NEFH: variants seen among roughly 807,000 people sequenced by gnomAD.
NEFH encodes neurofilament heavy polypeptide.
Under a neutral mutation model 56.6 loss-of-function variants are expected in NEFH, and 58 were observed. The ratio of observed to expected loss-of-function variants is 1.03; its 90% CI spans 0.83 to 1.28. The LOEUF (loss-of-function observed/expected upper bound fraction) is 1.28. NEFH is among the 50% of genes most tolerant of loss of function. The pLI is 0.00. For missense variants in NEFH, 1,221 were observed against 1,307.6 expected (o/e 0.93, Z 1.02); for synonymous variants, 542 against 545.8 (o/e 0.99, Z 0.10).
At chr22:29,485,655 C>T (rs961243566) in intron 2 of NEFH, 68 bp from the exon 3 acceptor site, 57 of 1,571,662 alleles carry the variant, frequency 3.6e-5, no homozygotes, top group Admixed American at 5.6e-5. Context: ...CACAGCCCGC[C>T]GCAGCTTCTC....
At chr22:29,483,595 C>G in intron 2 of NEFH, 21 bp downstream of exon 2, 1 of 1,611,718 alleles carries the variant, frequency 6.2e-7, no homozygotes, top group African/African-American at 1.3e-5. Context: ...GCAAGGCAGA[C>G]AGCCAGACTG....
intron 3 of NEFH, among the ~76,000 whole-genome samples, chr22:29,487,029 A>G (rs573136532): frequency 2.0e-4 from 31 of 152,194 alleles, no homozygotes; most frequent in Non-Finnish European, 3.8e-4. Context: ...GATGATAATA[A>G]GGGCAACCAT....
rs142984913 is a variant in NEFH, at chr22:29,489,947, A to C, written c.2307A>C (p.Pro769=). The change falls in exon 4 of 4, where the codon CCA becomes CCC. Residue 769 remains proline (P), a synonymous_variant. Coordinates refer to ENST00000310624, the MANE Select transcript of NEFH (RefSeq NM_021076.4). ...LDVKSPEAKT[P]AKEEARSPAD... ...TGAAGTCTCCAGAAGCCAAGACTCC[A>C]GCGAAGGAGGAAGCAAGGTCCCCTG... 134 of 1,613,638 alleles carry C rather than the reference A, an allele frequency of 8.3e-5. No individual in the cohort carries two copies. The African/African-American group carries it at 1.6e-3, about 19-fold the overall frequency.
intron 3 of NEFH, among the ~76,000 whole-genome samples, chr22:29,487,669 C>T (rs1281070945): frequency 2.0e-5 from 3 of 152,038 alleles, no homozygotes; most frequent in Non-Finnish European, 2.9e-5. Context: ...AAAAGACAGA[C>T]GCTCAGCCCC....
Position 29,482,339 on chromosome 22 carries a change from G to A in NEFH, c.884-1036G>A, listed in dbSNP as rs776842833. ...GCTTCCTTCCTCCCCGCCAAGACTT[G>A]TGCCCTGAGTGCCACTATCTGGGGA... On this transcript the variant is annotated intron_variant, in intron 1 of 3. Transcript: ENST00000310624. Among the ~76,000 whole-genome samples the A allele has an allele frequency of 6.5e-4, 99 of 152,296 alleles. 1 individual carries two copies. Among genetic ancestry groups the A allele is most frequent in the Non-Finnish European group, 3.1e-4 (21 of 68,026 alleles).
At chr22:29,482,565 C>T (rs1004962011) in intron 1 of NEFH, among the ~76,000 whole-genome samples, 2 of 152,170 alleles carry the variant, frequency 1.3e-5, no homozygotes, top group African/African-American at 4.8e-5. Flanking sequence ...TTGGACTGTG[C>T]GCAGAAACCT....
At chr22:29,484,217 C>G (rs377708394) in intron 2 of NEFH, among the ~76,000 whole-genome samples, 1 of 152,258 alleles carries the variant, frequency 6.6e-6, no homozygotes, top group East Asian at 1.9e-4. Context: ...CTTCAACATT[C>G]GAATCTTTCT....
intron 3 of NEFH, among the ~76,000 whole-genome samples, chr22:29,487,237 A>C (rs531609643): frequency 6.6e-6 from 1 of 152,202 alleles, no homozygotes; most frequent in East Asian, 1.9e-4. Flanking sequence ...CTGACTGGTG[A>C]CCTGTGGCTT....
intron 1 of NEFH, 135 bp from the exon 2 acceptor site, chr22:29,483,240 C>T (rs562037652): frequency 1.5e-4 from 122 of 800,744 alleles, no homozygotes; most frequent in Non-Finnish European, 2.4e-4. Context: ...GAGTGCACCA[C>T]TGCCCTCCAG....
chr22:29,485,870 C>T (rs1240363898), intron 3 of NEFH, 23 bp downstream of exon 3: 5 of 1,613,920 alleles, frequency 3.1e-6, no homozygotes, highest in Admixed American at 3.3e-5. Context: ...GGGGCTGTCA[C>T]ATGGTGAAGA....
chr22:29,487,580 T>G (rs567639714), intron 3 of NEFH, among the ~76,000 whole-genome samples: 1 of 152,292 alleles, frequency 6.6e-6, no homozygotes, highest in South Asian at 2.1e-4. Flanking sequence ...TTCAGTGAGC[T>G]ATGATCGTGC....
At chr22:29,488,261 G>C (rs1324647576) in intron 3 of NEFH, among the ~76,000 whole-genome samples, 2 of 152,142 alleles carry the variant, frequency 1.3e-5, no homozygotes. Context: ...CTACTCAGTA[G>C]GCTGAGACAG....
At chr22:29,484,663 T>TA (rs773168247) in intron 2 of NEFH, among the ~76,000 whole-genome samples, 4 of 151,782 alleles carry the variant, frequency 2.6e-5, no homozygotes, top group Non-Finnish European at 5.9e-5. Context: ...CAAGAAAATT[T>TA]AAAAAAATTA....
Position 29,484,205 on chromosome 22 carries a change from G to A in NEFH, c.1083+631G>A, listed in dbSNP as rs117259769. Among the ~76,000 whole-genome samples the A allele has an allele frequency of 4.5e-3, 688 of 152,224 alleles. 8 individuals are homozygous for A. The highest frequency in any genetic ancestry group is 0.024 in the Middle Eastern group (7 of 294). ...TGAACTTGTGAATGAGCTCGGCAAG[G>A]TCTTCAACATTCGAATCTTTCTAGA... On this transcript the variant is annotated intron_variant, in intron 2 of 3. Transcript: ENST00000310624.
At chr22:29,481,862 C>A (rs554086498) in intron 1 of NEFH, among the ~76,000 whole-genome samples, 1 of 152,196 alleles carries the variant, frequency 6.6e-6, no homozygotes, top group Non-Finnish European at 1.5e-5. Context: ...AGCTAGATTG[C>A]GCTGCCCTGA....
rs2063077725 is a variant in NEFH at position 29,490,867 on chromosome 22, G to A, written c.*164G>A. ...AAACAGGAATTTCTGTTAGCAATAT[G>A]TTAGCAAGAGAGGGCACTCCCAGGC... is the stretch of plus-strand genomic sequence containing the variant. On this transcript the variant is annotated 3_prime_UTR_variant, in exon 4 of 4. Coordinates refer to ENST00000310624, the MANE Select transcript of NEFH (RefSeq NM_021076.4). 1 of 1,412,210 alleles carries A rather than the reference G, an allele frequency of 7.1e-7. No homozygotes were observed. 87.5% of individuals were successfully genotyped at this position (1,412,210 alleles called of 1,614,324 possible).
At chr22:29,488,773 A>C in intron 3 of NEFH, 76 bp from the exon 4 acceptor site, 1 of 1,363,644 alleles carries the variant, frequency 7.3e-7, no homozygotes, top group Non-Finnish European at 1.1e-6. Flanking sequence ...AGTGACCTTC[A>C]GGATAGTCTA....
chr22:29,481,174 G>GGCCCCC, intron 1 of NEFH, 29 bp downstream of exon 1: 1 of 1,056,342 alleles, frequency 9.5e-7, no homozygotes, highest in Non-Finnish European at 1.4e-6. Context: ...GGGGGGAGGG[G>GGCCCCC]CGCCCCTGCT....
intron 1 of NEFH, 138 bp downstream of exon 1, chr22:29,481,283 C>T: frequency 1.2e-6 from 1 of 839,120 alleles, no homozygotes; most frequent in Non-Finnish European, 1.8e-6. Context: ...AAAGTGCATG[C>T]CCCTAGTTAA....
Sources: gnomAD v4.1 joint callset for allele counts (sites outside exome capture counted in the v4.1 genomes callset) on GRCh38, gnomAD v4.1.1 for gene constraint, MANE v1.5 for transcripts, NCBI Gene and HGNC (gene_info 2026-07-23, HGNC 2026-07-21) for gene names.